The following EFCAB11 variants were observed in gnomAD, a reference collection of about 807,000 sequenced individuals.
The protein encoded by EFCAB11 is EF-hand calcium-binding domain-containing protein 11.
A neutral mutation model predicts 23.0 loss-of-function variants in EFCAB11; 14 were observed. The ratio of observed to expected loss-of-function variants is 0.61; its 90% CI spans 0.40 to 0.95. The LOEUF is 0.95. EFCAB11 is among the 40% of genes least tolerant of loss of function. The probability of loss-of-function intolerance (pLI) is 0.00; values close to 1 mark genes in which losing one functional copy is unlikely to be tolerated. For synonymous variants in EFCAB11, 65 were observed against 66.6 expected, an observed-to-expected ratio of 0.98 and a Z score of 0.11; for missense variants, 198 against 195.8, an observed-to-expected ratio of 1.01 and a Z score of -0.07.
chr14:89,873,019 C>A (rs1273412882), intron 5 of EFCAB11, among the ~76,000 whole-genome samples: 1 of 152,198 alleles, frequency 6.6e-6, no homozygotes, highest in African/African-American at 2.4e-5. Context: ...GTTTAAGCCA[C>A]TGTATTAGTC....
At chr14:89,851,524 C>G (rs1329421915) in intron 5 of EFCAB11, among the ~76,000 whole-genome samples, 1 of 152,190 alleles carries the variant, frequency 6.6e-6, no homozygotes, top group Non-Finnish European at 1.5e-5. Context: ...TCAAGGAAAA[C>G]AGACACTATA....
intron 3 of EFCAB11, among the ~76,000 whole-genome samples, chr14:89,945,152 T>C (rs1217637930): frequency 6.6e-6 from 1 of 152,000 alleles, no homozygotes; most frequent in African/African-American, 2.4e-5. Context: ...CTCATTTTTA[T>C]TGATTACCTC....
chr14:89,832,752 A>C (rs1886926403), intron 5 of EFCAB11, among the ~76,000 whole-genome samples: 1 of 152,228 alleles, frequency 6.6e-6, no homozygotes, highest in Non-Finnish European at 1.5e-5. Flanking sequence ...TAAAGTGTAG[A>C]ATCTCATGTA....
At chr14:89,814,540 A>C (rs1427956731) in intron 5 of EFCAB11, among the ~76,000 whole-genome samples, 1 of 152,118 alleles carries the variant, frequency 6.6e-6, no homozygotes, top group Non-Finnish European at 1.5e-5. Context: ...TGCCGTCTCT[A>C]CTAAAAATAC....
intron 3 of EFCAB11, among the ~76,000 whole-genome samples, chr14:89,940,173 G>C (rs1890741748): frequency 6.6e-6 from 1 of 152,164 alleles, no homozygotes; most frequent in East Asian, 1.9e-4. Context: ...ATATCTGTAG[G>C]AGATTCCATA....
chr14:89,817,633 T>C (rs1886376320), intron 5 of EFCAB11, among the ~76,000 whole-genome samples: 1 of 152,048 alleles, frequency 6.6e-6, no homozygotes, highest in Non-Finnish European at 1.5e-5. Flanking sequence ...ACGAAAATAA[T>C]AATATATTTA....
chr14:89,867,859 A>G (rs1000881181), intron 5 of EFCAB11, among the ~76,000 whole-genome samples: 3 of 152,296 alleles, frequency 2.0e-5, no homozygotes, highest in Admixed American at 2.0e-4. Context: ...CTGTGGCAGG[A>G]GGGCACTGAA....
chr14:89,926,056 C>G lies in EFCAB11; in HGVS notation c.410+5485G>C, dbSNP rs555358811. 1.8e-4 allele frequency among the ~76,000 whole-genome samples: 27 copies of G among 152,170 alleles called. 1 individual carries two copies. The highest frequency in any genetic ancestry group is 6.3e-4 in the African/African-American group (26 of 41,522). On this transcript the variant is annotated intron_variant, in intron 5 of 5. Coordinates refer to ENST00000316738, the MANE Select transcript of EFCAB11 (RefSeq NM_145231.4). ...TGTTGGCCAGGCTGGTCTCAAGTGACCCACTCGTCTCGGCCTCCCAAAGTG... is the reference window on the plus strand; with the variant it reads ...TGTTGGCCAGGCTGGTCTCAAGTGAGCCACTCGTCTCGGCCTCCCAAAGTG...
intron 5 of EFCAB11, among the ~76,000 whole-genome samples, chr14:89,818,518 T>C (rs1886405298): frequency 6.6e-6 from 1 of 152,164 alleles, no homozygotes; most frequent in South Asian, 2.1e-4. Flanking sequence ...TTTTGACCCA[T>C]TAATCTTATT....
chr14:89,931,672 G>T, intron 4 of EFCAB11, 41 bp from the exon 5 acceptor site: 1 of 1,550,314 alleles, frequency 6.5e-7, no homozygotes, highest in East Asian at 2.2e-5. Context: ...ACTTTAATAA[G>T]ACCTATCAAC....
intron 5 of EFCAB11, among the ~76,000 whole-genome samples, chr14:89,826,572 A>T (rs1316671830): frequency 2.0e-5 from 3 of 152,200 alleles, no homozygotes; most frequent in Non-Finnish European, 4.4e-5. Flanking sequence ...GGAGAGCAGG[A>T]AGCTGTCGCA....
chr14:89,812,602 T>C (rs1467049910), intron 5 of EFCAB11, among the ~76,000 whole-genome samples: 2 of 152,184 alleles, frequency 1.3e-5, no homozygotes, highest in Admixed American at 1.3e-4. Flanking sequence ...ACCAAGGGAA[T>C]AGGATAAATG....
At chr14:89,898,592 T>G (rs1188188749) in intron 5 of EFCAB11, among the ~76,000 whole-genome samples, 1 of 151,732 alleles carries the variant, frequency 6.6e-6, no homozygotes, top group Admixed American at 6.6e-5. Context: ...CTTGAACTCC[T>G]GGTGTCAAGT....
intron 5 of EFCAB11, among the ~76,000 whole-genome samples, chr14:89,853,103 T>C (rs761573941): frequency 2.6e-5 from 4 of 152,236 alleles, no homozygotes; most frequent in Non-Finnish European, 5.9e-5. Context: ...TGCCTGATAT[T>C]TAATTAAATT....
chr14:89,938,130 G>A (rs1300510440), intron 3 of EFCAB11: 1 of 152,144 alleles, frequency 6.6e-6, no homozygotes. Flanking sequence ...CTAGCATCTG[G>A]CTATCACAGT....
intron 5 of EFCAB11, among the ~76,000 whole-genome samples, chr14:89,876,850 GAA>G (rs1888456120): frequency 6.6e-6 from 1 of 152,198 alleles, no homozygotes; most frequent in South Asian, 2.1e-4. Context: ...AACACTGAAT[GAA>G]GAAGCTCTAC....
At chr14:89,924,269 AC>A in intron 5 of EFCAB11, 1 of 998,854 alleles carries the variant, frequency 1.0e-6, no homozygotes, top group Non-Finnish European at 1.2e-6. Context: ...GGATTCTTAC[AC>A]CAAAAATATC....
chr14:89,886,236 G>C (rs968710782), intron 5 of EFCAB11, among the ~76,000 whole-genome samples: 2 of 151,886 alleles, frequency 1.3e-5, no homozygotes, highest in African/African-American at 2.4e-5. Context: ...TGATCTGCTC[G>C]GTCAGGCGTG....
At chr14:89,915,520 G>A (rs1254262325) in intron 5 of EFCAB11, among the ~76,000 whole-genome samples, 1 of 152,204 alleles carries the variant, frequency 6.6e-6, no homozygotes, top group Non-Finnish European at 1.5e-5. Context: ...TTCATTAAGA[G>A]AGGATCATGC....
Sources: gnomAD v4.1 joint callset for allele counts (sites outside exome capture counted in the v4.1 genomes callset) on GRCh38, gnomAD v4.1.1 for gene constraint, MANE v1.5 for transcripts, NCBI Gene and HGNC (gene_info 2026-07-23, HGNC 2026-07-21) for gene names.